NSUN6: variants seen among roughly 807,000 people sequenced by gnomAD.
NSUN6 encodes NOP2/Sun RNA methyltransferase 6.
In NSUN6, 64 loss-of-function variants were observed where a neutral mutation model predicts 58.0. The ratio of observed to expected loss-of-function variants is 1.10; its 90% CI spans 0.90 to 1.36. The LOEUF (loss-of-function observed/expected upper bound fraction) is 1.36. Among genes scored for constraint, NSUN6 ranks in the 40% most tolerant of loss-of-function variants. NSUN6 has a pLI of 0.00. For synonymous variants in NSUN6, 231 were observed against 193.9 expected, an observed-to-expected ratio of 1.19 and a Z score of -1.59; for missense variants, 701 against 550.1, an observed-to-expected ratio of 1.27 and a Z score of -2.74.
In NSUN6 at chr10:18,579,459, G is replaced by A. The variant is rs914778277; in HGVS notation, c.922+6490C>T. Among the ~76,000 whole-genome samples, 4 of 152,072 alleles carry A rather than the reference G, an allele frequency of 2.6e-5. No homozygotes were observed. In the South Asian group the frequency reaches 6.2e-4, roughly 24 times the overall value. On this transcript the variant is annotated intron_variant, in intron 8 of 10. Coordinates refer to ENST00000377304, the MANE Select transcript of NSUN6 (RefSeq NM_182543.5). ...TGCTGGGATTACATGCGTGAGCCACGTCGCCCGGCCTCATATTTTTATTCA... is the reference window on the plus strand; with the variant it reads ...TGCTGGGATTACATGCGTGAGCCACATCGCCCGGCCTCATATTTTTATTCA...
chr10:18,622,510 T>C (rs1307950815), intron 3 of NSUN6, among the ~76,000 whole-genome samples: 3 of 152,184 alleles, frequency 2.0e-5, no homozygotes, highest in Non-Finnish European at 4.4e-5. Context: ...GGTCAGGAGT[T>C]CGAGACCAGC....
intron 6 of NSUN6, among the ~76,000 whole-genome samples, chr10:18,604,841 G>A (rs921145007): frequency 3.4e-4 from 51 of 151,298 alleles, no homozygotes; most frequent in African/African-American, 1.1e-3. Context: ...AGCCGAGATC[G>A]TGACACTTCA....
intron 8 of NSUN6, among the ~76,000 whole-genome samples, chr10:18,565,148 C>T (rs1341275508): frequency 3.3e-5 from 5 of 151,370 alleles, no homozygotes; most frequent in African/African-American, 1.2e-4. Flanking sequence ...CCATTGCATA[C>T]CATTCTCCAT....
intron 8 of NSUN6, among the ~76,000 whole-genome samples, chr10:18,562,234 GAGAATGGAATGGATTGGACAGGAATGC>G (rs2055568633): frequency 1.3e-5 from 2 of 150,936 alleles, no homozygotes; most frequent in East Asian, 1.9e-4. Context: ...GAATGGAATG[GAGAATGGAATGGATTGGACAGGAATGC>G]AGAATGGAAT....
intron 7 of NSUN6, among the ~76,000 whole-genome samples, chr10:18,589,263 G>A (rs1029459086): frequency 3.3e-5 from 5 of 152,122 alleles, no homozygotes; most frequent in Non-Finnish European, 5.9e-5. Context: ...AGAAATATGC[G>A]ACTATGTGAA....
At chr10:18,620,107 A>G (rs200041996) in intron 3 of NSUN6, among the ~76,000 whole-genome samples, 7 of 64,910 alleles carry the variant, frequency 1.1e-4, no homozygotes, top group Non-Finnish European at 2.2e-4. Flanking sequence ...TTTTTTTTTG[A>G]GACGGAGTCT....
intron 3 of NSUN6, among the ~76,000 whole-genome samples, chr10:18,633,519 G>A (rs2059111064): frequency 1.3e-5 from 2 of 152,096 alleles, no homozygotes; most frequent in South Asian, 2.1e-4. Flanking sequence ...GAAATAACCG[G>A]CTGACAGTGA....
At chr10:18,558,389 C>T (rs142004920) in intron 8 of NSUN6, among the ~76,000 whole-genome samples, 1 of 140,254 alleles carries the variant, frequency 7.1e-6, no homozygotes, top group Non-Finnish European at 1.6e-5. Context: ...GAATGGAATG[C>T]AGTGGTGAAT....
At chr10:18,582,425 G>T (rs562913336) in intron 8 of NSUN6, among the ~76,000 whole-genome samples, 90 of 152,274 alleles carry the variant, frequency 5.9e-4, no homozygotes, top group African/African-American at 2.1e-3. Context: ...GGAGATTGTG[G>T]TGGTGAGCAA....
intron 3 of NSUN6, among the ~76,000 whole-genome samples, chr10:18,628,494 T>G (rs145097003): frequency 6.6e-6 from 1 of 152,138 alleles, no homozygotes; most frequent in African/African-American, 2.4e-5. Context: ...GGCATTGAAG[T>G]TGAAAACTTT....
intron 8 of NSUN6, among the ~76,000 whole-genome samples, chr10:18,578,946 C>T (rs1959155981): frequency 6.6e-6 from 1 of 152,134 alleles, no homozygotes; most frequent in Non-Finnish European, 1.5e-5. Context: ...TCTCTGCATT[C>T]ACCACTTCTA....
chr10:18,554,189 A>G (rs762621169), intron 8 of NSUN6, among the ~76,000 whole-genome samples: 34 of 151,364 alleles, frequency 2.2e-4, no homozygotes, highest in Non-Finnish European at 4.6e-4. Context: ...ATGGAATGGA[A>G]TGGGGAATGG....
At chr10:18,582,432 G>A (rs1159179768) in intron 8 of NSUN6, among the ~76,000 whole-genome samples, 1 of 152,144 alleles carries the variant, frequency 6.6e-6, no homozygotes, top group Non-Finnish European at 1.5e-5. Context: ...GTGGTGGTGA[G>A]CAATTAAGAG....
chr10:18,594,448 T>C (rs1463371420), intron 7 of NSUN6, among the ~76,000 whole-genome samples: 2 of 150,746 alleles, frequency 1.3e-5, no homozygotes, highest in East Asian at 2.0e-4. Flanking sequence ...TTTGTTGTTG[T>C]TGTTTTTTGT....
At chr10:18,644,337 C>T (rs1368988916) in intron 2 of NSUN6, among the ~76,000 whole-genome samples, 1 of 152,170 alleles carries the variant, frequency 6.6e-6, no homozygotes, top group Non-Finnish European at 1.5e-5. Context: ...AAATTCCATA[C>T]TTGACCCAGA....
intron 3 of NSUN6, among the ~76,000 whole-genome samples, chr10:18,635,365 T>C: frequency 6.6e-6 from 1 of 152,154 alleles, no homozygotes; most frequent in East Asian, 1.9e-4. Context: ...TCTTAGCCAA[T>C]CACTAAACCT....
At chr10:18,570,573 G>T (rs2056292392) in intron 8 of NSUN6, among the ~76,000 whole-genome samples, 2 of 110,714 alleles carry the variant, frequency 1.8e-5, no homozygotes, top group African/African-American at 7.2e-5. Context: ...TTCCAATCCA[G>T]TGTCCATTCC....
rs571672475 is a variant in NSUN6, at chr10:18,546,063, G to A, written c.1280C>T (p.Ser427Leu). Residue 427 changes from serine to leucine, a missense_variant, in exon 11 of 11, where the codon TCG becomes TTG. Physicochemically the swap from Ser to Leu is moderately radical, Grantham distance 145. Coordinates refer to ENST00000377304, the MANE Select transcript of NSUN6 (RefSeq NM_182543.5). ...QLKQLQRFDPSAVPLPDTDMD... is the reference protein window; with the variant it reads ...QLKQLQRFDPLAVPLPDTDMD... ...GTCAGTGTCCGGTAATGGCACAGCC[G>A]ATGGATCAAATCGCTGCAGCTGTTT... The A allele has an allele frequency of 1.4e-5, 22 of 1,606,314 alleles. No homozygotes were observed. In the South Asian group the frequency reaches 2.0e-4, roughly 15 times the overall value.
At chr10:18,566,272 CATTCCATTCTCCATCCCATTCT>C (rs770736134) in intron 8 of NSUN6, among the ~76,000 whole-genome samples, 5,061 of 144,280 alleles carry the variant, frequency 0.035, 177 homozygotes, top group Non-Finnish European at 0.056. Context: ...TTCTCCATTC[CATTCCATTCTCCATCCCATTCT>C]ATTCCATTCT....
Sources: gnomAD v4.1 joint callset for allele counts (sites outside exome capture counted in the v4.1 genomes callset) on GRCh38, gnomAD v4.1.1 for gene constraint, MANE v1.5 for transcripts, NCBI Gene and HGNC (gene_info 2026-07-23, HGNC 2026-07-21) for gene names.